The following GPC5 variants were observed in gnomAD, a reference collection of about 807,000 sequenced individuals.
GPC5 encodes glypican 5.
Under a neutral mutation model 53.9 loss-of-function variants are expected in GPC5, and 47 were observed. The observed-to-expected ratio is 0.87, with a 90% CI of 0.69 to 1.11. GPC5 has a LOEUF of 1.11. Ranked by LOEUF, GPC5 falls within the 50% of genes most tolerant of loss-of-function variation. The probability of loss-of-function intolerance (pLI) is 0.00; values close to 1 mark genes in which losing one functional copy is unlikely to be tolerated. For missense variants in GPC5, 748 were observed against 713.1 expected (o/e 1.05, Z -0.56); for synonymous variants, 286 against 263.3 (o/e 1.09, Z -0.84).
At chr13:92,353,278 A>AAAAAAAAAG (rs2043495602) in intron 7 of GPC5, among the ~76,000 whole-genome samples, 1 of 150,484 alleles carries the variant, frequency 6.6e-6, no homozygotes, top group Non-Finnish European at 1.5e-5. Flanking sequence ...AAAAAAAAAA[A>AAAAAAAAAG]AAAAAAGAAA....
At chr13:91,970,332 A>G (rs2139089731) in intron 6 of GPC5, among the ~76,000 whole-genome samples, 1 of 152,288 alleles carries the variant, frequency 6.6e-6, no homozygotes, top group African/African-American at 2.4e-5. Flanking sequence ...ACAAACCCTC[A>G]GTTATAACAT....
rs149659690 is a variant in GPC5, at chr13:92,247,847, A to G, written c.1561+102858A>G. On this transcript the variant is annotated intron_variant, in intron 7 of 7. Transcript: ENST00000377067. ...TGGTTTCTCACCAAATAATAACAAT[A>G]TGGAAGCAGCATTGATCCATATTAT... Among the ~76,000 whole-genome samples the G allele has an allele frequency of 2.0e-5, 3 of 152,264 alleles. No individual in the cohort carries two copies. In the East Asian group the frequency reaches 5.8e-4, roughly 29 times the overall value.
intron 5 of GPC5, among the ~76,000 whole-genome samples, chr13:91,810,859 T>C (rs1211652222): frequency 6.6e-6 from 1 of 151,524 alleles, no homozygotes; most frequent in Non-Finnish European, 1.5e-5. Flanking sequence ...TAATACTTTA[T>C]CACTTAATAG....
intron 4 of GPC5, among the ~76,000 whole-genome samples, chr13:91,736,132 GTATT>G (rs1253519657): frequency 6.6e-6 from 1 of 151,048 alleles, no homozygotes; most frequent in African/African-American, 2.5e-5. Flanking sequence ...ATTAGAATGA[GTATT>G]TATAGAAAAG....
intron 7 of GPC5, 110 bp from the exon 8 acceptor site, chr13:92,866,172 G>T (rs1001608348): frequency 1.2e-6 from 1 of 832,840 alleles, no homozygotes; most frequent in African/African-American, 1.7e-5. Flanking sequence ...TGAACATAGA[G>T]AATGGTCCCC....
chr13:91,926,334 C>T (rs914487341), intron 6 of GPC5, among the ~76,000 whole-genome samples: 2 of 140,886 alleles, frequency 1.4e-5, no homozygotes, highest in East Asian at 4.0e-4. Context: ...GTACTCCAGG[C>T]TGGGTGACAG....
intron 5 of GPC5, among the ~76,000 whole-genome samples, chr13:91,845,274 A>G (rs925568586): frequency 9.2e-5 from 14 of 151,442 alleles, no homozygotes; most frequent in Admixed American, 6.6e-5. Context: ...CAACTGTTAG[A>G]TTTGCCTTTA....
intron 7 of GPC5, among the ~76,000 whole-genome samples, chr13:92,155,862 A>G (rs9560941): frequency 0.047 from 7,143 of 152,168 alleles, 300 homozygotes; most frequent in African/African-American, 0.1. Context: ...TTGAAGTGCT[A>G]TATCTCATTT....
At chr13:92,733,220 T>A (rs1440449083) in intron 7 of GPC5, among the ~76,000 whole-genome samples, 1 of 151,696 alleles carries the variant, frequency 6.6e-6, no homozygotes, top group African/African-American at 2.4e-5. Context: ...CCGATAAATC[T>A]CACAATGAAG....
intron 5 of GPC5, among the ~76,000 whole-genome samples, chr13:91,783,231 G>A (rs1461717691): frequency 6.6e-6 from 1 of 151,796 alleles, no homozygotes; most frequent in Non-Finnish European, 1.5e-5. Context: ...TCCAGCCTCG[G>A]CAGCAAGAGT....
chr13:92,513,925 A>G (rs555013826), intron 7 of GPC5, among the ~76,000 whole-genome samples: 3 of 152,222 alleles, frequency 2.0e-5, no homozygotes, highest in Admixed American at 6.5e-5. Context: ...TTGGCACTCA[A>G]AAAGTTTCAG....
intron 7 of GPC5, among the ~76,000 whole-genome samples, chr13:92,322,397 G>C (rs1254051508): frequency 6.6e-6 from 1 of 152,080 alleles, no homozygotes; most frequent in Non-Finnish European, 1.5e-5. Context: ...GTATGACAAA[G>C]AAAAGGTAGT....
At chr13:91,594,946 A>T (rs1407181283) in intron 2 of GPC5, among the ~76,000 whole-genome samples, 1 of 151,980 alleles carries the variant, frequency 6.6e-6, no homozygotes, top group Non-Finnish European at 1.5e-5. Flanking sequence ...CTGGAATTAC[A>T]GGCATGAGCC....
chr13:91,997,906 T>G (rs1161587655), intron 6 of GPC5, among the ~76,000 whole-genome samples: 1 of 152,236 alleles, frequency 6.6e-6, no homozygotes, highest in Non-Finnish European at 1.5e-5. Context: ...GTTTATACTA[T>G]GTTTGGAAAT....
chr13:91,518,587 CTG>C lies in GPC5; in HGVS notation c.325+69667_325+69668del, dbSNP rs1885636544. Among the ~76,000 whole-genome samples, 8 of 152,168 alleles carry C rather than the reference CTG, an allele frequency of 5.3e-5. No homozygotes were observed. In the South Asian group the frequency reaches 1.7e-3, roughly 31 times the overall value. ...TCTTTTTTTGAGATGGAGTCTCGCT[CTG>C]TCGCCCAGGCTGGAGTGCAGTGGCG... On this transcript the variant is annotated intron_variant, in intron 2 of 7. Transcript: ENST00000377067.
chr13:91,413,206 A>G (rs1257524021), intron 1 of GPC5, among the ~76,000 whole-genome samples: 1 of 152,238 alleles, frequency 6.6e-6, no homozygotes, highest in Non-Finnish European at 1.5e-5. Flanking sequence ...GCCTGAGCCC[A>G]GGAGGTGAAG....
At chr13:92,378,216 A>G (rs34219352) in intron 7 of GPC5, among the ~76,000 whole-genome samples, 3,578 of 152,266 alleles carry the variant, frequency 0.023, 93 homozygotes, top group Middle Eastern at 0.054. Flanking sequence ...CCCTGCCCTT[A>G]ACAAATGACA....
chr13:92,207,684 T>C (rs1303043802), intron 7 of GPC5, among the ~76,000 whole-genome samples: 1 of 152,192 alleles, frequency 6.6e-6, no homozygotes, highest in Non-Finnish European at 1.5e-5. Context: ...TTTTAGACAA[T>C]TGTTTTAATT....
At chr13:91,575,620 A>G (rs1443087747) in intron 2 of GPC5, among the ~76,000 whole-genome samples, 6 of 152,060 alleles carry the variant, frequency 3.9e-5, no homozygotes, top group African/African-American at 1.4e-4. Context: ...ATGCTGTATG[A>G]CGTTTAATTC....
Sources: allele counts gnomAD v4.1 joint callset (sites outside exome capture counted in the v4.1 genomes callset), GRCh38; gene constraint gnomAD v4.1.1; transcripts MANE v1.5; gene names NCBI Gene and HGNC (gene_info 2026-07-23, HGNC 2026-07-21).